Variants in DACH1 observed in about 807,000 individuals in gnomAD.
DACH1 encodes dachshund family transcription factor 1.
A neutral mutation model predicts 54.2 loss-of-function variants in DACH1; 12 were observed. The ratio of observed to expected loss-of-function variants is 0.22; its 90% CI spans 0.14 to 0.36. The LOEUF (loss-of-function observed/expected upper bound fraction) is 0.36, where lower values mean the gene tolerates loss of function less well. Ranked by LOEUF, DACH1 falls within the 10% of genes least tolerant of loss-of-function variation. The probability of loss-of-function intolerance (pLI) is 1.00; values close to 1 mark genes in which losing one functional copy is unlikely to be tolerated. For missense variants in DACH1, 805 were observed against 929.8 expected, an observed-to-expected ratio of 0.87 and a Z score of 1.75; for synonymous variants, 386 against 366.2, an observed-to-expected ratio of 1.05 and a Z score of -0.62.
chr13:71,598,075 G>A (rs1378264501), intron 3 of DACH1, among the ~76,000 whole-genome samples: 1 of 135,040 alleles, frequency 7.4e-6, no homozygotes, highest in Non-Finnish European at 1.5e-5. Flanking sequence ...GCAAGACCCT[G>A]TCAAAAAAAA....
chr13:71,475,224 A>C lies in DACH1; in HGVS notation c.2015-15T>G. The C allele has an allele frequency of 6.2e-7, 1 of 1,610,214 alleles. No homozygotes were observed. The highest frequency in any genetic ancestry group is 8.5e-7 in the Non-Finnish European group (1 of 1,176,558). Reference sequence around the variant, plus strand: ...GGTCAGAGAGTCTAAAAGCACAGAAAGGTAAGAGTGACACATATTTCATTT... The same window carrying C: ...GGTCAGAGAGTCTAAAAGCACAGAACGGTAAGAGTGACACATATTTCATTT... On this transcript the variant is annotated splice_polypyrimidine_tract_variant and intron_variant, in intron 9 of 10. Transcript: ENST00000613252.
intron 1 of DACH1, among the ~76,000 whole-genome samples, chr13:71,740,339 T>C (rs1884329120): frequency 6.6e-6 from 1 of 152,184 alleles, no homozygotes; most frequent in South Asian, 2.1e-4. Flanking sequence ...TTACATGATT[T>C]CAAGAACTCT....
At chr13:71,673,179 A>G (rs769937367) in intron 2 of DACH1, among the ~76,000 whole-genome samples, 8 of 152,148 alleles carry the variant, frequency 5.3e-5, no homozygotes, top group Non-Finnish European at 1.2e-4. Flanking sequence ...AGATGAGAGG[A>G]CTGTCCAGAA....
At chr13:71,661,046 T>C (rs1478164894) in intron 2 of DACH1, among the ~76,000 whole-genome samples, 1 of 149,796 alleles carries the variant, frequency 6.7e-6, no homozygotes, top group Admixed American at 6.6e-5. Context: ...TCTCATGTCC[T>C]AGACAGGGGA....
intron 10 of DACH1, among the ~76,000 whole-genome samples, chr13:71,442,521 GA>G (rs546257166): frequency 7.1e-4 from 108 of 152,146 alleles, no homozygotes; most frequent in African/African-American, 2.5e-3. Context: ...TTGTAGGGTT[GA>G]AATACTACCT....
chr13:71,828,356 A>G (rs1888460994), intron 1 of DACH1, among the ~76,000 whole-genome samples: 1 of 151,956 alleles, frequency 6.6e-6, no homozygotes, highest in South Asian at 2.1e-4. Flanking sequence ...CTCTCTCCAC[A>G]GCTTACTGTT....
At chr13:71,554,117 G>A (rs946830809) in intron 6 of DACH1, among the ~76,000 whole-genome samples, 2 of 151,930 alleles carry the variant, frequency 1.3e-5, no homozygotes, top group Non-Finnish European at 2.9e-5. Flanking sequence ...GGGATATTAT[G>A]AGGCCCATGA....
intron 9 of DACH1, 29 bp from the exon 10 acceptor site, chr13:71,475,238 C>T (rs770168490): frequency 8.8e-6 from 14 of 1,583,066 alleles, no homozygotes; most frequent in African/African-American, 1.3e-5. Flanking sequence ...AAGAGTGACA[C>T]ATATTTCATT....
chr13:71,736,963 T>C (rs945210045), intron 1 of DACH1, among the ~76,000 whole-genome samples: 10 of 152,060 alleles, frequency 6.6e-5, no homozygotes, highest in African/African-American at 2.4e-4. Context: ...ACTTTAAAGT[T>C]GAAGATTATA....
At chr13:71,734,002 T>C (rs1185829333) in intron 1 of DACH1, among the ~76,000 whole-genome samples, 2 of 151,664 alleles carry the variant, frequency 1.3e-5, no homozygotes, top group East Asian at 1.9e-4. Flanking sequence ...TGAGCTGAGA[T>C]TGCACCACTG....
At chr13:71,750,041 T>G (rs1884853146) in intron 1 of DACH1, among the ~76,000 whole-genome samples, 1 of 152,238 alleles carries the variant, frequency 6.6e-6, no homozygotes, top group Non-Finnish European at 1.5e-5. Context: ...AGGTACTCTG[T>G]TGGGAATAAA....
At chr13:71,817,013 C>A (rs1488840553) in intron 1 of DACH1, among the ~76,000 whole-genome samples, 8 of 152,034 alleles carry the variant, frequency 5.3e-5, no homozygotes, top group Non-Finnish European at 8.8e-5. Flanking sequence ...CCCCATGACA[C>A]AAGTTTACCT....
chr13:71,453,737 A>C (rs1399301025), intron 10 of DACH1, among the ~76,000 whole-genome samples: 1 of 152,178 alleles, frequency 6.6e-6, no homozygotes, highest in East Asian at 1.9e-4. Flanking sequence ...GCCTTATTTA[A>C]TATGTTTACA....
chr13:71,788,869 T>C (rs57591756), intron 1 of DACH1, among the ~76,000 whole-genome samples: 4,104 of 152,268 alleles, frequency 0.027, 183 homozygotes, highest in African/African-American at 0.092. Context: ...ATTATTACAA[T>C]TGATTCTAAA....
intron 2 of DACH1, among the ~76,000 whole-genome samples, chr13:71,657,558 T>C (rs542285544): frequency 6.9e-6 from 1 of 144,394 alleles, no homozygotes; most frequent in African/African-American, 2.6e-5. Flanking sequence ...GGGTGACAGA[T>C]TGAGACCCTG....
At chr13:71,503,080 G>GT (rs1880050504) in intron 6 of DACH1, among the ~76,000 whole-genome samples, 1 of 152,110 alleles carries the variant, frequency 6.6e-6, no homozygotes, top group South Asian at 2.1e-4. Context: ...AGGCAGCACC[G>GT]TATGTAAATG....
intron 1 of DACH1, among the ~76,000 whole-genome samples, chr13:71,745,003 G>A (rs1030161519): frequency 4.6e-5 from 7 of 151,880 alleles, no homozygotes; most frequent in Non-Finnish European, 8.8e-5. Context: ...TTCATATCTC[G>A]GAATATTGTT....
intron 1 of DACH1, among the ~76,000 whole-genome samples, chr13:71,800,380 G>C (rs1169614251): frequency 6.6e-6 from 1 of 152,092 alleles, no homozygotes; most frequent in African/African-American, 2.4e-5. Context: ...AAACACAAGA[G>C]TTTGGGAAGC....
chr13:71,755,326 T>A (rs1885099310), intron 1 of DACH1, among the ~76,000 whole-genome samples: 2 of 152,176 alleles, frequency 1.3e-5, no homozygotes, highest in Admixed American at 1.3e-4. Flanking sequence ...TATTTAAACA[T>A]GGACCCCAAT....
Sources: allele counts gnomAD v4.1 joint callset (sites outside exome capture counted in the v4.1 genomes callset), GRCh38; gene constraint gnomAD v4.1.1; transcripts MANE v1.5; gene names NCBI Gene and HGNC (gene_info 2026-07-23, HGNC 2026-07-21).